LRTM1: variants seen among roughly 807,000 people sequenced by gnomAD.
LRTM1 encodes the protein leucine rich repeat transmembrane protein 1.
Under a neutral mutation model 32.4 loss-of-function variants are expected in LRTM1, and 38 were observed. That is an observed-to-expected ratio of 1.17 (90% CI 0.91 to 1.54). The LOEUF is 1.54. LRTM1 is among the 40% of genes most tolerant of loss of function. LRTM1 has a pLI of 0.00. For missense variants in LRTM1, 466 were observed against 415.4 expected, an observed-to-expected ratio of 1.12 and a Z score of -1.06; for synonymous variants, 186 against 169.9, an observed-to-expected ratio of 1.09 and a Z score of -0.74.
chr3:54,921,381 G>T (rs920280104), intron 2 of LRTM1, among the ~76,000 whole-genome samples: 1 of 152,120 alleles, frequency 6.6e-6, no homozygotes, highest in African/African-American at 2.4e-5. Context: ...CAAGTATTTA[G>T]CATAATACCT....
intron 1 of LRTM1, among the ~76,000 whole-genome samples, chr3:54,939,944 T>A (rs1701425114): frequency 6.6e-6 from 1 of 152,198 alleles, no homozygotes; most frequent in African/African-American, 2.4e-5. Flanking sequence ...ACCACTCCCT[T>A]TCCATGATGG....
upstream of LRTM1, among the ~76,000 whole-genome samples, chr3:54,929,137 T>C (rs1402761269): frequency 6.6e-6 from 1 of 152,146 alleles, no homozygotes; most frequent in Non-Finnish European, 1.5e-5. Context: ...GAGTCGATAT[T>C]TGGCTCCACC....
At chr3:54,938,983 G>A (rs956114651) in intron 1 of LRTM1, among the ~76,000 whole-genome samples, 1 of 152,152 alleles carries the variant, frequency 6.6e-6, no homozygotes, top group Non-Finnish European at 1.5e-5. Flanking sequence ...GATCTGAAAA[G>A]GGTAGCACAC....
upstream of LRTM1, among the ~76,000 whole-genome samples, chr3:54,930,584 C>A (rs567368331): frequency 5.3e-5 from 8 of 152,290 alleles, 1 homozygote; most frequent in African/African-American, 1.9e-4. Flanking sequence ...TGGCAGAGAA[C>A]CAAAGGCAGT....
At chr3:54,928,428 G>A (rs542423132), upstream of LRTM1, among the ~76,000 whole-genome samples, 50 of 152,234 alleles carry the variant, frequency 3.3e-4, no homozygotes, top group African/African-American at 1.2e-3. Context: ...GATGCTGGAC[G>A]GGACCCTCAC....
At chr3:54,925,323 CCTT>C (rs1259695344) in intron 1 of LRTM1, 108 bp from the exon 2 acceptor site, 3 of 847,232 alleles carry the variant, frequency 3.5e-6, no homozygotes, top group African/African-American at 1.7e-5. Flanking sequence ...CCAGGTGAAA[CCTT>C]CTACAACCTG....
At chr3:54,955,479 T>C (rs1045502467) in intron 1 of LRTM1, among the ~76,000 whole-genome samples, 1 of 151,928 alleles carries the variant, frequency 6.6e-6, no homozygotes, top group South Asian at 2.1e-4. Context: ...AAAAAAAAGC[T>C]CTCTTGGTCA....
intron 1 of LRTM1, among the ~76,000 whole-genome samples, chr3:54,949,355 A>G (rs761265208): frequency 2.0e-5 from 3 of 152,196 alleles, no homozygotes; most frequent in Non-Finnish European, 2.9e-5. Context: ...TGCTGCTGAA[A>G]AAAGGGGACA....
chr3:54,933,754 C>G (rs112105803), intron 1 of LRTM1, among the ~76,000 whole-genome samples: 2,512 of 134,458 alleles, frequency 0.019, 70 homozygotes, highest in African/African-American at 0.065. Flanking sequence ...AAAGATATTA[C>G]TATTACTTTT....
At chr3:54,941,194 T>C (rs1420916098) in intron 1 of LRTM1, among the ~76,000 whole-genome samples, 1 of 152,208 alleles carries the variant, frequency 6.6e-6, no homozygotes, top group African/African-American at 2.4e-5. Context: ...ATCAAACTTG[T>C]TCAAGTTGTT....
At position 54,918,456 on chromosome 3, in the gene LRTM1, C is replaced by G; in HGVS notation, c.*3G>C. On this transcript the variant is annotated 3_prime_UTR_variant, in exon 3 of 3. Transcript: ENST00000273286. Reference sequence around the variant, plus strand: ...TGACCAATCCTATTTGAGACAAAAGCTCTCAGGCTGGTGAGCTGTCAAATC... The same window carrying G: ...TGACCAATCCTATTTGAGACAAAAGGTCTCAGGCTGGTGAGCTGTCAAATC... The G allele has an allele frequency of 3.7e-6, 6 of 1,604,956 alleles. No individual in the cohort carries two copies. Among genetic ancestry groups the G allele is most frequent in the Non-Finnish European group, 5.1e-6 (6 of 1,174,798 alleles).
chr3:54,958,354 C>G (rs961892444), intron 1 of LRTM1, among the ~76,000 whole-genome samples: 44 of 152,192 alleles, frequency 2.9e-4, no homozygotes, highest in African/African-American at 1.1e-3. Flanking sequence ...GATTGTGCCA[C>G]TGCACTCCAG....
At chr3:54,963,290 G>A (rs1343313285) in intron 1 of LRTM1, among the ~76,000 whole-genome samples, 1 of 152,038 alleles carries the variant, frequency 6.6e-6, no homozygotes, top group East Asian at 1.9e-4. Flanking sequence ...AGTATGGACG[G>A]GTTTGTGGAG....
In LRTM1 at chr3:54,927,777, T is replaced by G. The variant is rs1701066538; in HGVS notation, c.7+128A>C. 3.9e-6 allele frequency: 4 copies of G among 1,016,038 alleles called. No homozygotes were observed. The Admixed American group carries it at 7.1e-5, about 18-fold the overall frequency. The allele number at this position is 1,016,038 out of a possible 1,614,324, so 62.9% of individuals were successfully genotyped here. A position where few individuals can be genotyped will look rare whatever the true frequency, so the allele number is the denominator to read the frequency against. ...ACATAAATCATTCCATGCAGAGACATTTTTCATATCTGTCCAGTCTTTTAA... is the reference window on the plus strand; with the variant it reads ...ACATAAATCATTCCATGCAGAGACAGTTTTCATATCTGTCCAGTCTTTTAA... On this transcript the variant is annotated intron_variant, in intron 1 of 2. Transcript: ENST00000273286.
chr3:54,963,587 A>G (rs1165866699), intron 1 of LRTM1, among the ~76,000 whole-genome samples: 1 of 152,224 alleles, frequency 6.6e-6, no homozygotes, highest in Non-Finnish European at 1.5e-5. Flanking sequence ...GGATCAGAGC[A>G]TTCAAGGTCA....
chr3:54,965,861 G>A (rs1341244958), intron 1 of LRTM1, among the ~76,000 whole-genome samples: 3 of 152,104 alleles, frequency 2.0e-5, no homozygotes, highest in African/African-American at 4.8e-5. Context: ...GGGTGTGAGT[G>A]AGGAGAGAGG....
At chr3:54,950,700 G>A (rs1398659249) in intron 1 of LRTM1, among the ~76,000 whole-genome samples, 1 of 152,140 alleles carries the variant, frequency 6.6e-6, no homozygotes, top group Non-Finnish European at 1.5e-5. Context: ...AAAGGAACCC[G>A]TTCTTTTACT....
At chr3:54,957,749 T>C (rs1701937498) in intron 1 of LRTM1, among the ~76,000 whole-genome samples, 1 of 152,044 alleles carries the variant, frequency 6.6e-6, no homozygotes, top group African/African-American at 2.4e-5. Flanking sequence ...TGCCCATTGC[T>C]CCATGCCAGT....
intron 1 of LRTM1, among the ~76,000 whole-genome samples, chr3:54,940,834 A>G (rs559613800): frequency 3.3e-5 from 5 of 152,322 alleles, no homozygotes; most frequent in African/African-American, 9.6e-5. Flanking sequence ...AAAAAAGGGC[A>G]TATGTTTATG....
Sources: allele counts gnomAD v4.1 joint callset (sites outside exome capture counted in the v4.1 genomes callset), GRCh38; gene constraint gnomAD v4.1.1; transcripts MANE v1.5; gene names NCBI Gene and HGNC (gene_info 2026-07-23, HGNC 2026-07-21).